Variants in PRUNE2 observed in about 807,000 individuals in gnomAD.
The protein encoded by PRUNE2 is prune homolog 2 with BCH domain.
A neutral mutation model predicts 252.0 loss-of-function variants in PRUNE2; 164 were observed. The observed-to-expected ratio is 0.65, with a 90% CI of 0.57 to 0.74. PRUNE2 has a LOEUF of 0.74. Ranked by LOEUF, PRUNE2 falls within the 30% of genes least tolerant of loss-of-function variation. The pLI, the probability that PRUNE2 is intolerant of heterozygous loss-of-function variation, is 0.00. For missense variants in PRUNE2, 3,495 were observed against 3,711.0 expected, an observed-to-expected ratio of 0.94 and a Z score of 1.51; for synonymous variants, 1,292 against 1,350.2, an observed-to-expected ratio of 0.96 and a Z score of 0.94.
chr9:76,702,221 C>CCACCACCCCGGG (rs2045942057), intron 9 of PRUNE2, among the ~76,000 whole-genome samples: 6 of 152,062 alleles, frequency 3.9e-5, no homozygotes, highest in Non-Finnish European at 5.9e-5. Context: ...ACCACCCCAG[C>CCACCACCCCGGG]TAAGTTTTGA....
chr9:76,834,285 T>C (rs141843337), intron 4 of PRUNE2, among the ~76,000 whole-genome samples: 5 of 151,860 alleles, frequency 3.3e-5, no homozygotes, highest in African/African-American at 1.2e-4. Flanking sequence ...TAAAGGAAAA[T>C]AAAGAATAAA....
intron 16 of PRUNE2, among the ~76,000 whole-genome samples, chr9:76,625,712 GA>G (rs1035903836): frequency 4.6e-5 from 7 of 152,160 alleles, no homozygotes; most frequent in African/African-American, 1.7e-4. Context: ...GCAGAGTGGA[GA>G]AAAATTTGAG....
chr9:76,877,652 G>C (rs565193188), intron 1 of PRUNE2, among the ~76,000 whole-genome samples: 3 of 152,298 alleles, frequency 2.0e-5, no homozygotes, highest in African/African-American at 7.2e-5. Context: ...CTTGAGGTTT[G>C]TTTGATTAAT....
intron 15 of PRUNE2, among the ~76,000 whole-genome samples, chr9:76,634,661 G>A (rs1839216572): frequency 6.6e-6 from 1 of 152,158 alleles, no homozygotes; most frequent in Non-Finnish European, 1.5e-5. Context: ...CCACTTTGCT[G>A]GGAGGAGCTC....
chr9:76,679,639 T>C (rs1190982391), intron 9 of PRUNE2, among the ~76,000 whole-genome samples: 2 of 152,138 alleles, frequency 1.3e-5, no homozygotes, highest in East Asian at 3.9e-4. Flanking sequence ...CCAGCCTGGA[T>C]GAGACTCTAA....
chr9:76,757,644 C>T (rs923132851), intron 6 of PRUNE2, among the ~76,000 whole-genome samples: 5 of 152,074 alleles, frequency 3.3e-5, no homozygotes, highest in Admixed American at 2.0e-4. Flanking sequence ...AAGCTCAAAG[C>T]TTTGTTTCTT....
At chr9:76,788,379 T>TAAACTCAC in intron 6 of PRUNE2, 1 of 755,438 alleles carries the variant, frequency 1.3e-6, no homozygotes. Flanking sequence ...TACTGGACAT[T>TAAACTCAC]AAACTCACAA....
In PRUNE2 at chr9:76,636,973, A is replaced by ATGTGTGTGTGTGTG. The variant is rs71354667; in HGVS notation, c.8964-430_8964-417dup. ...TCCAACAACAACGACAACAACAAAAATGTGTGTGTGTGTGTGTGTGTGTGT... is the reference window on the plus strand; with the variant it reads ...TCCAACAACAACGACAACAACAAAAATGTGTGTGTGTGTGTGTGTGTGTGTGTGTGTGTGTGTGT... On this transcript the variant is annotated intron_variant, in intron 14 of 18. Coordinates refer to ENST00000376718, the MANE Select transcript of PRUNE2 (RefSeq NM_015225.3). Among the ~76,000 whole-genome samples, 266 of 145,484 alleles carry ATGTGTGTGTGTGTG rather than the reference A, an allele frequency of 1.8e-3. 1 individual carries two copies. Among genetic ancestry groups the ATGTGTGTGTGTGTG allele is most frequent in the African/African-American group, 6.8e-3 (258 of 37,682 alleles).
At chr9:76,901,608 C>T (rs2063178799) in intron 1 of PRUNE2, among the ~76,000 whole-genome samples, 1 of 152,194 alleles carries the variant, frequency 6.6e-6, no homozygotes, top group Non-Finnish European at 1.5e-5. Flanking sequence ...TGCAGACATG[C>T]TGCCGTCTTT....
At chr9:76,689,649 G>A (rs570736218) in intron 9 of PRUNE2, among the ~76,000 whole-genome samples, 10 of 152,078 alleles carry the variant, frequency 6.6e-5, no homozygotes, top group East Asian at 1.9e-4. Flanking sequence ...ATGAGATACC[G>A]CACCAAGATT....
chr9:76,712,672 C>G (rs1013909312), intron 7 of PRUNE2, among the ~76,000 whole-genome samples: 3 of 152,182 alleles, frequency 2.0e-5, no homozygotes, highest in Non-Finnish European at 4.4e-5. Context: ...AAATCCCGTC[C>G]CTGGGAAGCC....
intron 9 of PRUNE2, among the ~76,000 whole-genome samples, chr9:76,699,819 C>T (rs768323007): frequency 1.3e-5 from 2 of 152,198 alleles, no homozygotes; most frequent in Admixed American, 6.5e-5. Flanking sequence ...ATCATTCTTC[C>T]AATCATGCTT....
At chr9:76,863,324 G>A (rs897779229) in intron 1 of PRUNE2, 14 of 152,034 alleles carry the variant, frequency 9.2e-5, no homozygotes, top group Admixed American at 9.2e-4. Flanking sequence ...ATGTTGATCG[G>A]TAATGTTGTA....
At position 76,864,482 on chromosome 9, in the gene PRUNE2, CAAAT is replaced by C. The variant is rs924812988; in HGVS notation, c.37-10278_37-10275del. ...AAATAAATAAATATAAATAAATAAA[CAAAT>C]AAATAAAAATCTAAGGTGTCAAACA... On this transcript the variant is annotated intron_variant, in intron 1 of 18. Coordinates refer to ENST00000376718, the MANE Select transcript of PRUNE2 (RefSeq NM_015225.3). Among the ~76,000 whole-genome samples, 8 of 151,880 alleles carry C rather than the reference CAAAT, an allele frequency of 5.3e-5. No individual in the cohort carries two copies. The East Asian group carries it at 5.8e-4, about 11-fold the overall frequency.
rs137880752 is a variant in PRUNE2 at position 76,726,384 on chromosome 9, C to T, written c.757-12663G>A. Among the ~76,000 whole-genome samples the T allele has an allele frequency of 5.4e-3, 817 of 152,282 alleles. 6 individuals are homozygous for T. The highest frequency in any genetic ancestry group is 0.018 in the African/African-American group (750 of 41,544). ...AGACATCAAGCACGAAGGTGTAACA[C>T]GCATACACAGGCACACGCACATACA... is the stretch of plus-strand genomic sequence containing the variant. On this transcript the variant is annotated intron_variant, in intron 6 of 18. Transcript: ENST00000376718.
At chr9:76,670,482 C>A (rs1341411735) in intron 9 of PRUNE2, among the ~76,000 whole-genome samples, 2 of 151,472 alleles carry the variant, frequency 1.3e-5, no homozygotes, top group African/African-American at 2.4e-5. Context: ...GGGAGGGGCG[C>A]CCACCATTGC....
chr9:76,814,080 A>T (rs2057532235), intron 6 of PRUNE2, among the ~76,000 whole-genome samples: 1 of 152,124 alleles, frequency 6.6e-6, no homozygotes, highest in Non-Finnish European at 1.5e-5. Flanking sequence ...TCCCAAAGTG[A>T]AGGGATTACA....
chr9:76,698,833 T>C (rs2045629483), intron 9 of PRUNE2, among the ~76,000 whole-genome samples: 1 of 152,126 alleles, frequency 6.6e-6, no homozygotes, highest in African/African-American at 2.4e-5. Flanking sequence ...ATTACTAATT[T>C]AAAAAGAAAA....
At chr9:76,735,470 G>A (rs1269015677) in intron 6 of PRUNE2, among the ~76,000 whole-genome samples, 3 of 144,860 alleles carry the variant, frequency 2.1e-5, no homozygotes, top group African/African-American at 7.7e-5. Flanking sequence ...TAGCCCCGTA[G>A]TGGCTGACAA....
Sources: allele counts gnomAD v4.1 joint callset (sites outside exome capture counted in the v4.1 genomes callset), GRCh38; gene constraint gnomAD v4.1.1; transcripts MANE v1.5; gene names NCBI Gene and HGNC (gene_info 2026-07-23, HGNC 2026-07-21).